The following GALNT2 variants were observed in gnomAD, a reference collection of about 807,000 sequenced individuals.
GALNT2 encodes the protein polypeptide N-acetylgalactosaminyltransferase 2, also known as UDP-GalNAc:polypeptide N-acetylgalactosaminyltransferase 2.
Under a neutral mutation model 81.4 loss-of-function variants are expected in GALNT2, and 31 were observed. That is an observed-to-expected ratio of 0.38 (90% CI 0.29 to 0.51). GALNT2 has a LOEUF of 0.51. Ranked by LOEUF, GALNT2 falls within the 20% of genes least tolerant of loss-of-function variation. GALNT2 has a pLI of 0.87. For missense variants in GALNT2, 629 were observed against 765.7 expected (o/e 0.82, Z 2.11); for synonymous variants, 303 against 287.4 (o/e 1.05, Z -0.55).
In GALNT2 at chr1:230,151,127, T is replaced by G. The variant is rs527252860; in HGVS notation, c.127-27091T>G. 1.4e-4 allele frequency among the ~76,000 whole-genome samples: 22 copies of G among 152,304 alleles called. No individual in the cohort carries two copies. The South Asian group carries it at 4.3e-3, about 30-fold the overall frequency. ...AGGATCTTGTGTGGTGTCCTGGGTTTGATTTTATAGCTTTGCCAACATAAT... is the reference window on the plus strand; with the variant it reads ...AGGATCTTGTGTGGTGTCCTGGGTTGGATTTTATAGCTTTGCCAACATAAT... On this transcript the variant is annotated intron_variant, in intron 1 of 15. Transcript: ENST00000366672.
In GALNT2 at chr1:230,250,494, A is replaced by G. The variant is rs1373498080; in HGVS notation, c.943A>G (p.Lys315Glu). 1 of 1,614,018 alleles carries G rather than the reference A, an allele frequency of 6.2e-7. No homozygotes were observed. The highest frequency in any genetic ancestry group is 2.2e-5 in the East Asian group (1 of 44,876). ...TGCTGGTGGGCTGTTTGTGATGGAT[A>G]AGTTCTATTTTGAAGAACTGGGGAA... is the stretch of plus-strand genomic sequence containing the variant. ...MIAGGLFVMD[K>E]FYFEELGKYD... is the part of the protein sequence containing the mutation. The change falls in exon 10 of 16, where the codon AAG becomes GAG. Residue 315 changes from lysine to glutamate, a missense_variant. Coordinates refer to ENST00000366672, the MANE Select transcript of GALNT2 (RefSeq NM_004481.5).
intron 1 of GALNT2, among the ~76,000 whole-genome samples, chr1:230,156,586 A>G (rs1662264475): frequency 6.6e-6 from 1 of 152,246 alleles, no homozygotes; most frequent in Non-Finnish European, 1.5e-5. Context: ...TTTGTCACGG[A>G]TCAATTTATT....
intron 3 of GALNT2, among the ~76,000 whole-genome samples, chr1:230,226,052 C>T (rs1664700047): frequency 6.6e-6 from 1 of 152,190 alleles, no homozygotes; most frequent in Non-Finnish European, 1.5e-5. Context: ...CTGCCCTTAC[C>T]GCAGAAGCAA....
At chr1:230,124,841 G>A (rs1661125355) in intron 1 of GALNT2, among the ~76,000 whole-genome samples, 1 of 151,276 alleles carries the variant, frequency 6.6e-6, no homozygotes, top group African/African-American at 2.4e-5. Flanking sequence ...GTCTGGGAAT[G>A]TGGTCTTTCT....
intron 1 of GALNT2, among the ~76,000 whole-genome samples, chr1:230,151,653 C>G (rs1662097699): frequency 6.6e-6 from 1 of 152,164 alleles, no homozygotes; most frequent in African/African-American, 2.4e-5. Context: ...CTCCTCAGTT[C>G]ATTGATGGCT....
At chr1:230,164,935 C>A (rs958906397) in intron 1 of GALNT2, among the ~76,000 whole-genome samples, 5 of 152,156 alleles carry the variant, frequency 3.3e-5, no homozygotes, top group Non-Finnish European at 7.3e-5. Flanking sequence ...ACACCTGTTT[C>A]TAGAAACAGC....
chr1:230,151,092 A>G (rs1039487435), intron 1 of GALNT2, among the ~76,000 whole-genome samples: 1 of 152,094 alleles, frequency 6.6e-6, no homozygotes, highest in Admixed American at 6.5e-5. Context: ...CCTCTTGTGG[A>G]AATATGTTCA....
chr1:230,098,713 T>C (rs1660319921), intron 1 of GALNT2, among the ~76,000 whole-genome samples: 1 of 152,168 alleles, frequency 6.6e-6, no homozygotes, highest in Non-Finnish European at 1.5e-5. Flanking sequence ...CAGGATTTAC[T>C]GTAAGCACCT....
intron 2 of GALNT2, among the ~76,000 whole-genome samples, chr1:230,200,141 C>T (rs934839967): frequency 2.9e-4 from 43 of 148,956 alleles, no homozygotes; most frequent in Non-Finnish European, 5.8e-4. Context: ...CGGCTCACTG[C>T]AACCTCCGCC....
chr1:230,230,754 A>G (rs1017863918), intron 3 of GALNT2, among the ~76,000 whole-genome samples: 1 of 152,202 alleles, frequency 6.6e-6, no homozygotes, highest in African/African-American at 2.4e-5. Context: ...ACTAATGCTT[A>G]CTTAATAATC....
chr1:230,243,773 T>C lies in GALNT2; in HGVS notation c.729+346T>C, dbSNP rs897596593. Among the ~76,000 whole-genome samples, 10 of 152,272 alleles carry C rather than the reference T, an allele frequency of 6.6e-5. No homozygotes were observed. Among genetic ancestry groups the C allele is most frequent in the African/African-American group, 1.9e-4 (8 of 41,568 alleles). ...ACAGCTTCGCAGAGTGCTTAGAACATTGCCCGGCACCTAGCAAGTGCCATC... is the reference window on the plus strand; with the variant it reads ...ACAGCTTCGCAGAGTGCTTAGAACACTGCCCGGCACCTAGCAAGTGCCATC... On this transcript the variant is annotated intron_variant, in intron 7 of 15. Transcript: ENST00000366672. The surrounding 1 kb of genome is among the most constrained non-coding windows in gnomAD (Gnocchi z 4.2).
intron 1 of GALNT2, among the ~76,000 whole-genome samples, chr1:230,073,248 C>T (rs993345838): frequency 2.6e-5 from 4 of 152,182 alleles, no homozygotes; most frequent in African/African-American, 9.7e-5. Context: ...ATTCCTTTAC[C>T]TTGGCCCTGT....
At chr1:230,102,725 G>A (rs758782227) in intron 1 of GALNT2, among the ~76,000 whole-genome samples, 25 of 152,190 alleles carry the variant, frequency 1.6e-4, no homozygotes, top group Admixed American at 7.8e-4. Flanking sequence ...AAAAAAAAGC[G>A]AACAGATTAA....
intron 1 of GALNT2, among the ~76,000 whole-genome samples, chr1:230,174,330 A>G (rs1662888946): frequency 6.6e-6 from 1 of 151,892 alleles, no homozygotes; most frequent in Non-Finnish European, 1.5e-5. Context: ...CTGACACCTC[A>G]CCTTCCCTGA....
At chr1:230,268,033 C>T (rs1666078923) in intron 14 of GALNT2, among the ~76,000 whole-genome samples, 1 of 152,134 alleles carries the variant, frequency 6.6e-6, no homozygotes, top group Non-Finnish European at 1.5e-5. Context: ...ATGGTTTGGG[C>T]TTTGTTCTTG....
chr1:230,144,598 C>T, intron 1 of GALNT2, among the ~76,000 whole-genome samples: 1 of 152,150 alleles, frequency 6.6e-6, no homozygotes, highest in East Asian at 1.9e-4. Flanking sequence ...ACCAAGCACC[C>T]ACCAGGATTT....
chr1:230,246,368 C>A (rs1489918302), intron 8 of GALNT2, among the ~76,000 whole-genome samples: 3 of 152,328 alleles, frequency 2.0e-5, no homozygotes, highest in African/African-American at 7.2e-5. Flanking sequence ...TTCCCTTTCT[C>A]CTCTTCCTTG....
chr1:230,201,952 G>C (rs1663906166), intron 2 of GALNT2, among the ~76,000 whole-genome samples: 2 of 152,190 alleles, frequency 1.3e-5, no homozygotes, highest in South Asian at 4.1e-4. Flanking sequence ...CTTCATGGCA[G>C]TTCCAACCAC....
chr1:230,194,473 G>A (rs982531942), intron 2 of GALNT2, among the ~76,000 whole-genome samples: 9 of 152,216 alleles, frequency 5.9e-5, no homozygotes, highest in African/African-American at 9.6e-5. Flanking sequence ...CTCTCCCAGA[G>A]GCAGAAGAAT....
Sources: allele counts gnomAD v4.1 joint callset (sites outside exome capture counted in the v4.1 genomes callset), GRCh38; gene constraint gnomAD v4.1.1; non-coding constraint Gnocchi (gnomAD v3.1); transcripts MANE v1.5; gene names NCBI Gene and HGNC (gene_info 2026-07-23, HGNC 2026-07-21).